Variants in ARHGAP24 observed in about 807,000 individuals in gnomAD.
ARHGAP24 encodes the protein Rho GTPase activating protein 24.
ARHGAP24 carries 50 observed loss-of-function variants against 76.4 expected under a neutral mutation model. The ratio of observed to expected loss-of-function variants is 0.65; its 90% CI spans 0.52 to 0.83. The LOEUF (loss-of-function observed/expected upper bound fraction) is 0.83, where lower values mean the gene tolerates loss of function less well. ARHGAP24 is among the 40% of genes least tolerant of loss of function. ARHGAP24 has a pLI of 0.00. For missense variants in ARHGAP24, 930 were observed against 914.2 expected, an observed-to-expected ratio of 1.02 and a Z score of -0.22; for synonymous variants, 345 against 323.3, an observed-to-expected ratio of 1.07 and a Z score of -0.72.
intron 3 of ARHGAP24, among the ~76,000 whole-genome samples, chr4:85,890,408 T>G (rs531476153): frequency 2.0e-5 from 3 of 152,234 alleles, no homozygotes; most frequent in Admixed American, 1.3e-4. Context: ...TTTAAGAAAC[T>G]AACAGCCTGG....
intron 3 of ARHGAP24, among the ~76,000 whole-genome samples, chr4:85,742,233 T>C (rs1725854385): frequency 6.6e-6 from 1 of 152,048 alleles, no homozygotes; most frequent in African/African-American, 2.4e-5. Flanking sequence ...AAGTCTGCTT[T>C]CTCCCAGAAG....
At chr4:85,979,772 G>A (rs776547513) in intron 8 of ARHGAP24, among the ~76,000 whole-genome samples, 9 of 152,080 alleles carry the variant, frequency 5.9e-5, no homozygotes, top group Non-Finnish European at 1.2e-4. Context: ...AGCTTTTAAA[G>A]CACATAAACA....
intron 2 of ARHGAP24, among the ~76,000 whole-genome samples, chr4:85,572,421 GC>G (rs1727177573): frequency 6.6e-6 from 1 of 152,100 alleles, no homozygotes; most frequent in Non-Finnish European, 1.5e-5. Context: ...GAATTCATGT[GC>G]ACATTCTCTG....
intron 2 of ARHGAP24, among the ~76,000 whole-genome samples, chr4:85,672,508 G>A (rs1203376310): frequency 6.6e-6 from 1 of 152,180 alleles, no homozygotes; most frequent in East Asian, 1.9e-4. Context: ...ACCTTTGGTT[G>A]GAGTTGCACA....
At chr4:85,949,192 T>C (rs1281700784) in intron 5 of ARHGAP24, among the ~76,000 whole-genome samples, 2 of 152,180 alleles carry the variant, frequency 1.3e-5, no homozygotes, top group African/African-American at 2.4e-5. Context: ...CTCTTACTAA[T>C]AGTTTCCTCA....
intron 2 of ARHGAP24, among the ~76,000 whole-genome samples, chr4:85,571,510 TTATA>T (rs1456337958): frequency 6.6e-6 from 1 of 152,174 alleles, no homozygotes; most frequent in Non-Finnish European, 1.5e-5. Flanking sequence ...TTAGATTCGT[TTATA>T]TAAACAACCC....
intron 9 of ARHGAP24, 86 bp from the exon 10 acceptor site, chr4:86,000,393 A>G: frequency 1.0e-6 from 1 of 994,404 alleles, no homozygotes. Flanking sequence ...AAATATTTGT[A>G]TGTCTCTTGC....
intron 3 of ARHGAP24, among the ~76,000 whole-genome samples, chr4:85,816,743 C>A (rs753466247): frequency 6.6e-6 from 1 of 152,066 alleles, no homozygotes; most frequent in Non-Finnish European, 1.5e-5. Flanking sequence ...TGCACATATC[C>A]ATTCTAGACA....
chr4:85,734,750 G>A (rs1725543544), intron 3 of ARHGAP24, among the ~76,000 whole-genome samples: 1 of 145,050 alleles, frequency 6.9e-6, no homozygotes, highest in African/African-American at 2.5e-5. Context: ...ACAAAACTGT[G>A]CTTGGAGGCT....
Position 85,728,845 on chromosome 4 carries a change from C to T in ARHGAP24, c.268+6873C>T, listed in dbSNP as rs1181383257. On this transcript the variant is annotated intron_variant, in intron 3 of 9. Coordinates refer to ENST00000395184, the MANE Select transcript of ARHGAP24 (RefSeq NM_001025616.3). ...ACCATACATGTCTGCATTTGTGACTCCTTCTGGGTTGAATAAATAACGTCA... is the reference window on the plus strand; with the variant it reads ...ACCATACATGTCTGCATTTGTGACTTCTTCTGGGTTGAATAAATAACGTCA... 2.6e-5 allele frequency among the ~76,000 whole-genome samples: 4 copies of T among 152,144 alleles called. No individual in the cohort carries two copies. In the South Asian group the frequency reaches 6.2e-4, roughly 24 times the overall value.
At chr4:85,863,585 A>G (rs958571885) in intron 3 of ARHGAP24, among the ~76,000 whole-genome samples, 3 of 152,054 alleles carry the variant, frequency 2.0e-5, no homozygotes, top group Non-Finnish European at 2.9e-5. Context: ...GGCACAGATT[A>G]TCTTCTCCTT....
intron 2 of ARHGAP24, among the ~76,000 whole-genome samples, chr4:85,663,857 C>A (rs1038015045): frequency 1.3e-4 from 19 of 151,178 alleles, no homozygotes; most frequent in African/African-American, 4.6e-4. Flanking sequence ...CCTTGCATCC[C>A]AGGGATGAAG....
chr4:85,867,960 C>T (rs1732301417), intron 3 of ARHGAP24, among the ~76,000 whole-genome samples: 1 of 148,752 alleles, frequency 6.7e-6, no homozygotes, highest in Admixed American at 6.7e-5. Context: ...GGGTCTCAAT[C>T]AATTTAGAAG....
intron 3 of ARHGAP24, among the ~76,000 whole-genome samples, chr4:85,820,770 T>C (rs1185529251): frequency 6.6e-6 from 1 of 152,182 alleles, no homozygotes; most frequent in Non-Finnish European, 1.5e-5. Context: ...AGACTTTTTT[T>C]GATCCACTGC....
At chr4:85,939,118 C>A (rs1736814168) in intron 4 of ARHGAP24, among the ~76,000 whole-genome samples, 1 of 152,084 alleles carries the variant, frequency 6.6e-6, no homozygotes, top group Non-Finnish European at 1.5e-5. Flanking sequence ...CCTTAAAATG[C>A]AAGGAATGGT....
In ARHGAP24 at chr4:85,673,528, C is replaced by G. The variant is rs552524347; in HGVS notation, c.181-48357C>G. 5.3e-5 allele frequency among the ~76,000 whole-genome samples: 8 copies of G among 151,676 alleles called. No homozygotes were observed. In the South Asian group the frequency reaches 1.7e-3, roughly 32 times the overall value. On this transcript the variant is annotated intron_variant, in intron 2 of 9. Transcript: ENST00000395184. ...TTTCCTTTATGCCTTCTGTTCTATT[C>G]TGTGCATGCAGTTTTCAAGATGTGA...
At position 86,000,472 on chromosome 4, in the gene ARHGAP24, T is replaced by G; in HGVS notation, c.2004-7T>G. The G allele has an allele frequency of 3.8e-6, 3 of 795,814 alleles. No homozygotes were observed. Among genetic ancestry groups the G allele is most frequent in the South Asian group, 1.4e-5 (1 of 71,380 alleles). 49.3% of individuals were successfully genotyped at this position (795,814 alleles called of 1,614,324 possible). On this transcript the variant is annotated splice_region_variant and splice_polypyrimidine_tract_variant and intron_variant, in intron 9 of 9. Transcript: ENST00000395184. ...CCACCCCCCACCCCCCCCAACATCC[T>G]TTGTAGCTTAGAACAGCGAAACTTG... is the stretch of plus-strand genomic sequence containing the variant.
chr4:85,838,786 C>T (rs562294670), intron 3 of ARHGAP24, among the ~76,000 whole-genome samples: 1 of 152,116 alleles, frequency 6.6e-6, no homozygotes, highest in Non-Finnish European at 1.5e-5. Flanking sequence ...TTCCCTCCCC[C>T]ACTAAGTCCA....
chr4:85,734,616 G>T (rs1175402465), intron 3 of ARHGAP24, among the ~76,000 whole-genome samples: 2 of 148,734 alleles, frequency 1.3e-5, no homozygotes, highest in Non-Finnish European at 3.0e-5. Context: ...TTAGTGCAGG[G>T]GCATGACATA....
Sources: gnomAD v4.1 joint callset for allele counts (sites outside exome capture counted in the v4.1 genomes callset) on GRCh38, gnomAD v4.1.1 for gene constraint, MANE v1.5 for transcripts, NCBI Gene and HGNC (gene_info 2026-07-23, HGNC 2026-07-21) for gene names.